Variants in CFAP43 observed in about 807,000 individuals in gnomAD.
CFAP43 encodes the protein cilia- and flagella-associated protein 43.
In CFAP43, 155 loss-of-function variants were observed where a neutral mutation model predicts 218.9. The observed-to-expected ratio is 0.71, with a 90% confidence interval of 0.62 to 0.81. The LOEUF is 0.81. Among genes scored for constraint, CFAP43 ranks in the 30% least tolerant of loss-of-function variants. The pLI is 0.00. For missense variants in CFAP43, 1,778 were observed against 1,954.3 expected (o/e 0.91, Z 1.70); for synonymous variants, 645 against 681.3 (o/e 0.95, Z 0.83).
At chr10:104,145,437 C>T (rs781480050) in intron 31 of CFAP43, 39 bp downstream of exon 31, 1 of 1,464,130 alleles carries the variant, frequency 6.8e-7, no homozygotes, top group African/African-American at 1.4e-5. Context: ...TATTTGCAAA[C>T]TTTTTTCTCA....
At chr10:104,176,707 G>A (rs991526210) in intron 19 of CFAP43, among the ~76,000 whole-genome samples, 26 of 152,032 alleles carry the variant, frequency 1.7e-4, no homozygotes, top group African/African-American at 5.8e-4. Context: ...GGCAATCTTC[G>A]AAGCCCTGAG....
chr10:104,170,770 T>C (rs1222600656), intron 20 of CFAP43, among the ~76,000 whole-genome samples: 6 of 151,990 alleles, frequency 3.9e-5, no homozygotes, highest in African/African-American at 1.5e-4. Context: ...GATAAGAAAA[T>C]GGGATTTTTT....
Position 104,163,809 on chromosome 10 carries a change from A to G in CFAP43, c.3246+285T>C, listed in dbSNP as rs144069358. ...CTAGAGGAAGTAGAAATGCAGAGTG[A>G]TGTGAACTAAGAGATGAAGATAGAA... On this transcript the variant is annotated intron_variant, in intron 24 of 37. Coordinates refer to ENST00000357060, the MANE Select transcript of CFAP43 (RefSeq NM_025145.7). 4.3e-3 allele frequency among the ~76,000 whole-genome samples: 654 copies of G among 152,336 alleles called. 4 individuals carry two copies. The highest frequency in any genetic ancestry group is 0.019 in the South Asian group (93 of 4,826).
chr10:104,161,715 T>TG (rs2088884146), intron 26 of CFAP43, among the ~76,000 whole-genome samples: 1 of 152,110 alleles, frequency 6.6e-6, no homozygotes, highest in African/African-American at 2.4e-5. Context: ...ACTGTAGCCT[T>TG]GAACTCCTAG....
intron 3 of CFAP43, among the ~76,000 whole-genome samples, chr10:104,221,797 G>T (rs1169825758): frequency 6.6e-6 from 1 of 151,986 alleles, no homozygotes; most frequent in African/African-American, 2.4e-5. Flanking sequence ...TTAAAATGAG[G>T]ACCATCATAG....
intron 8 of CFAP43, 95 bp from the exon 9 acceptor site, chr10:104,198,133 T>A (rs933062511): frequency 1.4e-6 from 1 of 703,210 alleles, no homozygotes; most frequent in Middle Eastern, 3.6e-4. Context: ...CAAGGCTCTA[T>A]GTGGAAACAG....
At chr10:104,166,964 C>A (rs929306462) in intron 22 of CFAP43, among the ~76,000 whole-genome samples, 4 of 152,152 alleles carry the variant, frequency 2.6e-5, no homozygotes, top group Non-Finnish European at 5.9e-5. Context: ...ATATTTATAT[C>A]TTTCTGTCAG....
chr10:104,205,246 G>C (rs367805580), intron 7 of CFAP43, among the ~76,000 whole-genome samples: 1 of 137,626 alleles, frequency 7.3e-6, no homozygotes, highest in Non-Finnish European at 1.6e-5. Flanking sequence ...GAAAAGAAAA[G>C]AAAAAGAAAA....
intron 27 of CFAP43, among the ~76,000 whole-genome samples, chr10:104,156,913 G>C (rs2088578465): frequency 6.6e-6 from 1 of 152,132 alleles, no homozygotes; most frequent in African/African-American, 2.4e-5. Flanking sequence ...GGACGCAGGA[G>C]AGCAATTAAG....
In CFAP43 at chr10:104,165,804, A is replaced by G. The variant is rs76717954; in HGVS notation, c.3039+684T>C. 2.3e-3 allele frequency among the ~76,000 whole-genome samples: 355 copies of G among 152,334 alleles called. 4 individuals carry two copies. The East Asian group carries it at 0.052, about 22-fold the overall frequency. Reference sequence around the variant, plus strand: ...GTCTTTCCCCAGGTTAAGCAGATAGATAAACAATAACATCTTGATCTTACA... The same window carrying G: ...GTCTTTCCCCAGGTTAAGCAGATAGGTAAACAATAACATCTTGATCTTACA... On this transcript the variant is annotated intron_variant, in intron 23 of 37. Coordinates refer to ENST00000357060, the MANE Select transcript of CFAP43 (RefSeq NM_025145.7).
intron 21 of CFAP43, among the ~76,000 whole-genome samples, chr10:104,168,323 C>G (rs1037902828): frequency 3.3e-5 from 5 of 152,110 alleles, no homozygotes; most frequent in Admixed American, 3.3e-4. Context: ...TTTTGGTCAC[C>G]CTACACAAAG....
At chr10:104,224,183 A>G (rs573055527) in intron 3 of CFAP43, among the ~76,000 whole-genome samples, 2 of 152,106 alleles carry the variant, frequency 1.3e-5, no homozygotes, top group African/African-American at 4.8e-5. Context: ...AGCTGAGACT[A>G]CAGGTACCTG....
At chr10:104,214,808 C>T (rs2090968487) in intron 3 of CFAP43, among the ~76,000 whole-genome samples, 1 of 152,176 alleles carries the variant, frequency 6.6e-6, no homozygotes, top group Non-Finnish European at 1.5e-5. Context: ...GGGTACTGTT[C>T]TCATCGATGC....
intron 27 of CFAP43, among the ~76,000 whole-genome samples, chr10:104,155,799 G>A (rs1356170568): frequency 6.6e-6 from 1 of 152,076 alleles, no homozygotes; most frequent in Non-Finnish European, 1.5e-5. Context: ...TGACCTACAG[G>A]TGTTCAAGTC....
At chr10:104,206,204 G>A (rs767551475) in intron 6 of CFAP43, among the ~76,000 whole-genome samples, 174 bp from the exon 7 acceptor site, 2 of 152,196 alleles carry the variant, frequency 1.3e-5, no homozygotes, top group Non-Finnish European at 2.9e-5. Flanking sequence ...AGCAAGGCTG[G>A]AGGGTATAGT....
intron 11 of CFAP43, chr10:104,193,488 A>G (rs76306003): frequency 0.01 from 1,650 of 162,500 alleles, 35 homozygotes; most frequent in African/African-American, 0.037. Context: ...TATCTTCCTC[A>G]CCTGTCAAAT....
chr10:104,160,018 C>A (rs1014479616), intron 27 of CFAP43, among the ~76,000 whole-genome samples: 3 of 152,066 alleles, frequency 2.0e-5, no homozygotes, highest in African/African-American at 7.2e-5. Context: ...TTGAGTAAAC[C>A]CAGTCAATAG....
intron 14 of CFAP43, 122 bp from the exon 15 acceptor site, chr10:104,186,245 CA>C (rs1311220623): frequency 2.7e-6 from 2 of 753,998 alleles, no homozygotes; most frequent in Non-Finnish European, 3.9e-6. Context: ...GCATAAAGTG[CA>C]AACATTGTCA....
intron 8 of CFAP43, 75 bp from the exon 9 acceptor site, chr10:104,198,113 C>T: frequency 1.2e-6 from 1 of 840,764 alleles, no homozygotes; most frequent in Non-Finnish European, 1.9e-6. Flanking sequence ...TATTAAATGC[C>T]TACTGTAACC....
Sources: allele counts gnomAD v4.1 joint callset (sites outside exome capture counted in the v4.1 genomes callset), GRCh38; gene constraint gnomAD v4.1.1; transcripts MANE v1.5; gene names NCBI Gene and HGNC (gene_info 2026-07-23, HGNC 2026-07-21).